Variants in DSE observed in about 807,000 individuals in gnomAD.
DSE encodes dermatan sulfate epimerase.
A neutral mutation model predicts 84.4 loss-of-function variants in DSE; 36 were observed. That is an observed-to-expected ratio of 0.43 (90% CI 0.33 to 0.56). The LOEUF (loss-of-function observed/expected upper bound fraction) is 0.56, where lower values mean the gene tolerates loss of function less well. Ranked by LOEUF, DSE falls within the 20% of genes least tolerant of loss-of-function variation. The pLI, the probability that DSE is intolerant of heterozygous loss-of-function variation, is 0.06. For synonymous variants in DSE, 410 were observed against 430.1 expected, an observed-to-expected ratio of 0.95 and a Z score of 0.58; for missense variants, 862 against 1,169.6, an observed-to-expected ratio of 0.74 and a Z score of 3.84.
chr6:116,283,506 G>A (rs1266545108), intron 2 of DSE, among the ~76,000 whole-genome samples: 7 of 150,782 alleles, frequency 4.6e-5, no homozygotes, highest in Middle Eastern at 3.2e-3. Context: ...ATAGCATGGG[G>A]CTCAGGTTTG....
At chr6:116,377,072 T>C (rs1343483095) in intron 1 of DSE, among the ~76,000 whole-genome samples, 2 of 152,212 alleles carry the variant, frequency 1.3e-5, no homozygotes, top group African/African-American at 4.8e-5. Context: ...ATTCATGCTC[T>C]TTTAGTAGAA....
In DSE at chr6:116,407,885, T is replaced by C. The variant is rs138981716; in HGVS notation, c.416+8219T>C. Among the ~76,000 whole-genome samples the C allele has an allele frequency of 5.5e-3, 834 of 152,336 alleles. 7 individuals carry two copies. The highest frequency in any genetic ancestry group is 0.019 in the African/African-American group (804 of 41,564). On this transcript the variant is annotated intron_variant, in intron 2 of 5. Transcript: ENST00000644252. ...TTCACTGATAGGTATTTATGTGTGG[T>C]CTTCCCAGTGGTCCAGTTGGACCAT...
intron 2 of DSE, among the ~76,000 whole-genome samples, chr6:116,424,522 G>A (rs980665193): frequency 6.6e-6 from 1 of 152,132 alleles, no homozygotes; most frequent in Non-Finnish European, 1.5e-5. Flanking sequence ...CAGCAGTGTG[G>A]CTGACAGTGA....
intron 2 of DSE, among the ~76,000 whole-genome samples, chr6:116,423,574 A>G (rs1410382319): frequency 6.6e-6 from 1 of 152,226 alleles, no homozygotes; most frequent in South Asian, 2.1e-4. Context: ...CAATTCATAA[A>G]TTAATGTCTG....
chr6:116,302,825 G>A (rs994590757), intron 2 of DSE, among the ~76,000 whole-genome samples: 1 of 152,182 alleles, frequency 6.6e-6, no homozygotes, highest in Non-Finnish European at 1.5e-5. Flanking sequence ...TGTATAAGGT[G>A]TAAGGAAGGG....
At chr6:116,288,116 A>G (rs1774044349) in intron 2 of DSE, 1 of 152,066 alleles carries the variant, frequency 6.6e-6, no homozygotes, top group African/African-American at 2.4e-5. Context: ...GTCCCTACGC[A>G]GTCATGAATC....
At chr6:116,347,796 A>G (rs542372645) in intron 2 of DSE, among the ~76,000 whole-genome samples, 3 of 152,316 alleles carry the variant, frequency 2.0e-5, no homozygotes, top group Non-Finnish European at 2.9e-5. Flanking sequence ...TGACAAATGG[A>G]ATCTAATTAA....
At chr6:116,317,724 G>A (rs1776068619) in intron 2 of DSE, among the ~76,000 whole-genome samples, 1 of 152,174 alleles carries the variant, frequency 6.6e-6, no homozygotes, top group Admixed American at 6.5e-5. Context: ...GAATTGTATT[G>A]CCGTATCTAA....
exon 1 of DSE, chr6:116,254,194 T>C: frequency 2.7e-6 from 2 of 728,044 alleles, no homozygotes; most frequent in Non-Finnish European, 4.9e-6. Flanking sequence ...ACTACGCTTA[T>C]CAATCCATCG....
chr6:116,302,997 C>CTA (rs1377148813), intron 2 of DSE, among the ~76,000 whole-genome samples: 6 of 152,086 alleles, frequency 3.9e-5, no homozygotes, highest in Non-Finnish European at 5.9e-5. Flanking sequence ...TTCCACTGGT[C>CTA]TATATATATC....
At chr6:116,268,665 C>T (rs1772741798) in intron 2 of DSE, among the ~76,000 whole-genome samples, 1 of 152,056 alleles carries the variant, frequency 6.6e-6, no homozygotes, top group South Asian at 2.1e-4. Context: ...GAAAATTTCC[C>T]AAATATCCCC....
In DSE at chr6:116,297,568, ATAGT is replaced by A. The variant is rs554464113; in HGVS notation, c.-54+38606_-54+38609del. ...GCAGGGGCTAAAATGAGGACCTATA[ATAGT>A]TAGTGGTTTGGGATTATTTGATTTG... On this transcript the variant is annotated intron_variant, in intron 2 of 3. Coordinates refer to the DSE transcript ENST00000430252. Among the ~76,000 whole-genome samples, 273 of 152,328 alleles carry A rather than the reference ATAGT, an allele frequency of 1.8e-3. 1 individual carries two copies. Among genetic ancestry groups the A allele is most frequent in the Admixed American group, 5.4e-3 (82 of 15,308 alleles).
At chr6:116,279,511 C>G (rs753311261) in intron 2 of DSE, 29 of 1,609,622 alleles carry the variant, frequency 1.8e-5, no homozygotes, top group Non-Finnish European at 2.4e-5. Context: ...GGCTGCCAGG[C>G]CTTCGGCGGG....
intron 2 of DSE, among the ~76,000 whole-genome samples, chr6:116,297,544 C>G (rs1774744640): frequency 6.6e-6 from 1 of 152,156 alleles, no homozygotes; most frequent in Non-Finnish European, 1.5e-5. Context: ...AATTAATTAG[C>G]AGGGGCTAAA....
At chr6:116,414,522 C>T (rs533627657) in intron 2 of DSE, among the ~76,000 whole-genome samples, 1 of 152,262 alleles carries the variant, frequency 6.6e-6, no homozygotes, top group East Asian at 1.9e-4. Context: ...AAGCGATTCT[C>T]CTGCCTCAGC....
At chr6:116,391,864 A>G (rs1234967663) in intron 1 of DSE, among the ~76,000 whole-genome samples, 1 of 151,960 alleles carries the variant, frequency 6.6e-6, no homozygotes, top group African/African-American at 2.4e-5. Flanking sequence ...TTAGGGAACG[A>G]TTCTGCAGTA....
intron 1 of DSE, among the ~76,000 whole-genome samples, chr6:116,393,033 G>A (rs1369849859): frequency 7.9e-5 from 12 of 152,114 alleles, no homozygotes; most frequent in East Asian, 5.8e-4. Flanking sequence ...TACTCCTTCC[G>A]TAATATAAAT....
intron 1 of DSE, among the ~76,000 whole-genome samples, chr6:116,374,058 T>C (rs1025219848): frequency 1.9e-4 from 29 of 152,336 alleles, no homozygotes; most frequent in African/African-American, 7.0e-4. Flanking sequence ...TATTAAATAT[T>C]ACATAACCTG....
chr6:116,270,341 G>A (rs1772826522), intron 2 of DSE, among the ~76,000 whole-genome samples: 1 of 152,132 alleles, frequency 6.6e-6, no homozygotes, highest in Non-Finnish European at 1.5e-5. Flanking sequence ...TGTTTTTAAA[G>A]CCATCTGAAC....
Sources: allele counts gnomAD v4.1 joint callset (sites outside exome capture counted in the v4.1 genomes callset), GRCh38; gene constraint gnomAD v4.1.1; transcripts MANE v1.5; gene names NCBI Gene and HGNC (gene_info 2026-07-23, HGNC 2026-07-21).